PKP3: variants seen among roughly 807,000 people sequenced by gnomAD.
PKP3 encodes plakophilin-3.
PKP3 carries 66 observed loss-of-function variants against 76.5 expected under a neutral mutation model. The ratio of observed to expected loss-of-function variants is 0.86; its 90% CI spans 0.71 to 1.06. The LOEUF is 1.06. PKP3 is among the 50% of genes least tolerant of loss of function. The pLI is 0.00. For missense variants in PKP3, 1,338 were observed against 1,141.0 expected, an observed-to-expected ratio of 1.17 and a Z score of -2.49; for synonymous variants, 638 against 516.5, an observed-to-expected ratio of 1.24 and a Z score of -3.19.
At chr11:400,740 G>C in intron 8 of PKP3, 35 bp downstream of exon 8, 1 of 1,164,514 alleles carries the variant, frequency 8.6e-7, no homozygotes, top group Non-Finnish European at 1.1e-6. Context: ...TGGGGTGGGT[G>C]CTGCGACCCC....
At chr11:398,818 ACCCCCGCACACACCTCCGTCACCTCCC>A (rs1847097804) in intron 4 of PKP3, among the ~76,000 whole-genome samples, 147 bp from the exon 5 acceptor site, 1 of 142,334 alleles carries the variant, frequency 7.0e-6, no homozygotes, top group Non-Finnish European at 1.5e-5. Flanking sequence ...TCACCTCCGT[ACCCCCGCACACACCTCCGTCACCTCCC>A]TACCGCCGCA....
chr11:393,218 C>T (rs1313411768), upstream of PKP3, among the ~76,000 whole-genome samples: 1 of 151,690 alleles, frequency 6.6e-6, no homozygotes, highest in Non-Finnish European at 1.5e-5. Context: ...GTCCAGGGCC[C>T]CCCCACCAGG....
intron 9 of PKP3, 130 bp downstream of exon 9, chr11:403,393 C>G (rs901660172): frequency 1.3e-5 from 12 of 891,432 alleles, no homozygotes; most frequent in South Asian, 7.0e-5. Context: ...GTCAGCGTCC[C>G]GGTGGCGCAG....
At position 400,262 on chromosome 11, in the gene PKP3, G is replaced by A. The variant is rs1847129173; in HGVS notation, c.1449-72G>A. On this transcript the variant is annotated intron_variant, in intron 6 of 12. Coordinates refer to ENST00000331563, the MANE Select transcript of PKP3 (RefSeq NM_007183.4). ...CTCGCGCTGGGGATGGGCGTGCGAG[G>A]GCCCACGATGGGTTGGGGCAAGGCC... 1.3e-5 allele frequency: 18 copies of A among 1,422,646 alleles called. 1 individual carries two copies. The highest frequency in any genetic ancestry group is 1.4e-5 in the Non-Finnish European group (15 of 1,050,692). 88.1% of individuals were successfully genotyped at this position (1,422,646 alleles called of 1,614,324 possible). A position where few individuals can be genotyped will look rare whatever the true frequency, so the allele number is the denominator to read the frequency against.
rs776843078 is a variant in PKP3 at position 404,081 on chromosome 11, T to A, written c.2216T>A (p.Leu739Gln). Reference protein sequence around the residue: ...VVASPIAARDLLYFDGLRKLI... With the variant: ...VVASPIAARDQLYFDGLRKLI... ...GCCAGCCCCATCGCTGCCCGAGACCTGCTGTATTTTGACGGACTCCGAAAG... is the reference window on the plus strand; with the variant it reads ...GCCAGCCCCATCGCTGCCCGAGACCAGCTGTATTTTGACGGACTCCGAAAG... The change falls in exon 11 of 13, where the codon CTG becomes CAG. Residue 739 changes from leucine to glutamine, a missense_variant. By Grantham distance (113) the Leu-to-Gln change is moderately radical (BLOSUM62 -2). Coordinates refer to ENST00000331563, the MANE Select transcript of PKP3 (RefSeq NM_007183.4). The surrounding 1 kb of genome is among the most constrained non-coding windows in gnomAD (Gnocchi z 4.2). The A allele has an allele frequency of 2.5e-6, 4 of 1,612,270 alleles. No individual in the cohort carries two copies. Among genetic ancestry groups the A allele is most frequent in the Non-Finnish European group, 3.4e-6 (4 of 1,179,646 alleles).
rs1847133325 is a variant in PKP3, at chr11:400,442, C to T, written c.1557C>T (p.Cys519=). 3.9e-6 allele frequency: 6 copies of T among 1,545,296 alleles called. No individual in the cohort carries two copies. The Admixed American group carries it at 5.9e-5, about 15-fold the overall frequency. The part of the protein sequence containing the change: ...SINHALDAGK[C]EDKSVENAVC... ...ACCACGCCCTGGACGCGGGCAAATG[C>T]GAGGACAAGGTGAGGGGCGCGGTGT... The change falls in exon 7 of 13, where the codon TGC becomes TGT. Residue 519 remains cysteine (C), a synonymous_variant. Coordinates refer to ENST00000331563, the MANE Select transcript of PKP3 (RefSeq NM_007183.4).
chr11:396,546 G>A (rs7105848), intron 1 of PKP3, 62 bp from the exon 2 acceptor site: 250,620 of 1,171,976 alleles, frequency 0.21, 35,700 homozygotes, highest in East Asian at 0.6. Context: ...TGGTGGAGAG[G>A]AGGCAGGAGG....
At chr11:392,701 CG>C (rs1277477220), upstream of PKP3, 2 of 1,286,260 alleles carry the variant, frequency 1.6e-6, no homozygotes, top group Non-Finnish European at 2.0e-6. Context: ...ATCCGGACCA[CG>C]AGCCGGGTAG....
chr11:396,153 G>A (rs537893605), intron 1 of PKP3: 1 of 164,494 alleles, frequency 6.1e-6, no homozygotes, highest in Non-Finnish European at 1.3e-5. Context: ...TACTGGTCCA[G>A]GGAGACAGTG....
At position 404,597 on chromosome 11, in the gene PKP3, G is replaced by A. The variant is rs368758228; in HGVS notation, c.*28G>A. 77 of 1,608,044 alleles carry A rather than the reference G, an allele frequency of 4.8e-5. No individual in the cohort carries two copies. The African/African-American group carries it at 6.5e-4, about 14-fold the overall frequency. ...GAAGCCTTCTGGAGGAGAAGGTGAC[G>A]TGGCCCAGCGTCCAAGGGACAGACT... On this transcript the variant is annotated 3_prime_UTR_variant, in exon 13 of 13. Coordinates refer to ENST00000331563, the MANE Select transcript of PKP3 (RefSeq NM_007183.4). This position sits in a 1 kb window ranked among gnomAD's most constrained non-coding sequence, Gnocchi z 4.2.
rs1171239569 is a variant in PKP3, at chr11:400,731, G to A, written c.1737+26G>A. On this transcript the variant is annotated intron_variant, in intron 8 of 12. Coordinates refer to ENST00000331563, the MANE Select transcript of PKP3 (RefSeq NM_007183.4). ...GTGGGCACCAGCCTGAGCGGGGCGT[G>A]GGGTGGGTGCTGCGACCCCGGCCCC... 7.5e-6 allele frequency: 9 copies of A among 1,197,164 alleles called. No homozygotes were observed. In the Admixed American group the frequency reaches 3.7e-4, roughly 49 times the overall value. The allele number at this position is 1,197,164 out of a possible 1,614,324, so 74.2% of individuals were successfully genotyped here.
At chr11:400,294 G>A (rs938295014) in intron 6 of PKP3, 40 bp from the exon 7 acceptor site, 4 of 1,495,822 alleles carry the variant, frequency 2.7e-6, no homozygotes, top group Middle Eastern at 2.0e-4. Context: ...GGCCCGGGAT[G>A]CGGGGTCCCT....
chr11:392,867 C>A (rs950026897), upstream of PKP3, among the ~76,000 whole-genome samples: 6 of 152,118 alleles, frequency 3.9e-5, no homozygotes, highest in South Asian at 1.2e-3. Context: ...CTGACCTCAC[C>A]CTTAATGCTG....
intron 1 of PKP3, among the ~76,000 whole-genome samples, chr11:395,845 C>T (rs917671111): frequency 1.7e-4 from 26 of 152,324 alleles, no homozygotes; most frequent in Admixed American, 1.6e-3. Context: ...CACCCATCCA[C>T]GAGTCCATCC....
At position 403,055 on chromosome 11, in the gene PKP3, C is replaced by T. The variant is rs552782231; in HGVS notation, c.1738-23C>T. ...CCCGACCCGCTCACCCCGACCCCGC[C>T]GACTCCTCCCCGCCCTGCGCAGCTG... is the stretch of plus-strand genomic sequence containing the variant. On this transcript the variant is annotated intron_variant, in intron 8 of 12. Coordinates refer to ENST00000331563, the MANE Select transcript of PKP3 (RefSeq NM_007183.4). 5.0e-5 allele frequency: 71 copies of T among 1,408,794 alleles called. No homozygotes were observed. In the African/African-American group the frequency reaches 1.2e-3, roughly 24 times the overall value. 87.3% of individuals were successfully genotyped at this position (1,408,794 alleles called of 1,614,324 possible). A position where few individuals can be genotyped will look rare whatever the true frequency, so the allele number is the denominator to read the frequency against.
chr11:399,939 G>T, intron 5 of PKP3, 28 bp from the exon 6 acceptor site: 1 of 1,565,384 alleles, frequency 6.4e-7, no homozygotes, highest in Non-Finnish European at 8.7e-7. Context: ...GAGGGCAGAC[G>T]CTGATAGCAG....
At chr11:399,679 C>T (rs904158649) in intron 5 of PKP3, among the ~76,000 whole-genome samples, 15 of 149,308 alleles carry the variant, frequency 1.0e-4, no homozygotes, top group Non-Finnish European at 1.5e-4. Flanking sequence ...CTCCACTGCC[C>T]GCCTCTTTCC....
rs1847208150 is a variant in PKP3 at position 403,999 on chromosome 11, T to A, written c.2134T>A (p.Ser712Thr). 2 of 1,611,278 alleles carry A rather than the reference T, an allele frequency of 1.2e-6. No homozygotes were observed. The highest frequency in any genetic ancestry group is 2.2e-5 in the South Asian group (2 of 90,988). ...EKLPGSVGEK[S>T]PPAEVLVNII... ...GCTGCCGGGCAGCGTGGGTGAGAAG[T>A]CGCCCCCAGCCGAGGTGCTGGTCAA... Residue 712 changes from serine to threonine, a missense_variant, in exon 11 of 13, where the codon TCG (serine) becomes ACG (threonine). Transcript: ENST00000331563.
Position 397,535 on chromosome 11 carries a change from G to T in PKP3, c.945-4G>T. 1.9e-6 allele frequency: 3 copies of T among 1,612,140 alleles called. No individual in the cohort carries two copies. Among genetic ancestry groups the T allele is most frequent in the African/African-American group, 2.7e-5 (2 of 74,988 alleles). On this transcript the variant is annotated splice_region_variant and splice_polypyrimidine_tract_variant and intron_variant, in intron 3 of 12. Transcript: ENST00000331563. ...AGCCTGACCCCTGACCCCTGGCTCC[G>T]CAGTTTTGATGACATTGACCTGCCC...
Sources: gnomAD v4.1 joint callset for allele counts (sites outside exome capture counted in the v4.1 genomes callset) on GRCh38, gnomAD v4.1.1 for gene constraint, Gnocchi (gnomAD v3.1) non-coding constraint, MANE v1.5 for transcripts, NCBI Gene and HGNC (gene_info 2026-07-23, HGNC 2026-07-21) for gene names.